RPS6KA5: variants seen among roughly 807,000 people sequenced by gnomAD.
RPS6KA5 encodes the protein ribosomal protein S6 kinase alpha-5.
A neutral mutation model predicts 85.5 loss-of-function variants in RPS6KA5; 27 were observed. The ratio of observed to expected loss-of-function variants is 0.32; its 90% CI spans 0.23 to 0.44. The LOEUF is 0.44. Among genes scored for constraint, RPS6KA5 ranks in the 20% least tolerant of loss-of-function variants. The pLI, the probability that RPS6KA5 is intolerant of heterozygous loss-of-function variation, is 1.00. For missense variants in RPS6KA5, 811 were observed against 980.9 expected (o/e 0.83, Z 2.31); for synonymous variants, 334 against 348.2 (o/e 0.96, Z 0.46).
chr14:91,015,539 G>C (rs2041452526), intron 1 of RPS6KA5, among the ~76,000 whole-genome samples: 1 of 152,154 alleles, frequency 6.6e-6, no homozygotes, highest in Admixed American at 6.6e-5. Flanking sequence ...TTTGATGTAA[G>C]AAAATATAGC....
chr14:90,946,964 G>A (rs776748078), intron 4 of RPS6KA5, among the ~76,000 whole-genome samples: 9 of 152,254 alleles, frequency 5.9e-5, no homozygotes, highest in South Asian at 2.1e-4. Flanking sequence ...AGCAAGAGAC[G>A]GTGTCAGGGA....
At chr14:91,029,537 G>C (rs1158165477) in intron 1 of RPS6KA5, among the ~76,000 whole-genome samples, 1 of 152,164 alleles carries the variant, frequency 6.6e-6, no homozygotes, top group Non-Finnish European at 1.5e-5. Flanking sequence ...TAGTGGCTTA[G>C]AGTCTCATTG....
intron 3 of RPS6KA5, among the ~76,000 whole-genome samples, chr14:90,958,751 G>A (rs989979057): frequency 6.6e-6 from 1 of 152,008 alleles, no homozygotes; most frequent in African/African-American, 2.4e-5. Flanking sequence ...AGTGAAGCTT[G>A]CATTCCAGTG....
rs2031853997 is a variant in RPS6KA5, at chr14:90,849,039, G to A, written c.*23035C>T. The stretch of plus-strand genomic sequence containing the variant: ...CAGAGCAAGGCCGCATCTCTAAAAA[G>A]TAATAATAAATAAAAGGAAAAAGAT... On this transcript the variant is annotated 3_prime_UTR_variant, in exon 17 of 17. Coordinates refer to ENST00000614987, the MANE Select transcript of RPS6KA5 (RefSeq NM_004755.4). 1 of 152,066 alleles carries A rather than the reference G, an allele frequency of 6.6e-6. No individual in the cohort carries two copies. Among genetic ancestry groups the A allele is most frequent in the Non-Finnish European group, 1.5e-5 (1 of 68,014 alleles). 9.4% of individuals were successfully genotyped at this position (152,066 alleles called of 1,614,324 possible).
chr14:91,040,061 T>C (rs971455594), intron 1 of RPS6KA5, among the ~76,000 whole-genome samples: 1 of 152,136 alleles, frequency 6.6e-6, no homozygotes, highest in Non-Finnish European at 1.5e-5. Context: ...GAGGAAGAAG[T>C]CTGGATGTTT....
At chr14:90,884,202 C>A (rs1403828627) in intron 14 of RPS6KA5, among the ~76,000 whole-genome samples, 1 of 152,214 alleles carries the variant, frequency 6.6e-6, no homozygotes. Flanking sequence ...CTGGCTCCCA[C>A]AAACTGTGTG....
At chr14:90,949,567 C>T (rs920832730) in intron 3 of RPS6KA5, among the ~76,000 whole-genome samples, 3 of 152,092 alleles carry the variant, frequency 2.0e-5, no homozygotes, top group Non-Finnish European at 4.4e-5. Flanking sequence ...GGTCTCTGAA[C>T]AAAACCACTC....
intron 1 of RPS6KA5, among the ~76,000 whole-genome samples, chr14:91,018,469 GGGTGGGCACCAC>G (rs1484349497): frequency 6.6e-6 from 1 of 152,194 alleles, no homozygotes; most frequent in African/African-American, 2.4e-5. Context: ...CCCTCAATGT[GGGTGGGCACCAC>G]CATCCAATCG....
chr14:90,927,006 G>A (rs1023498514), intron 5 of RPS6KA5, among the ~76,000 whole-genome samples: 1 of 152,010 alleles, frequency 6.6e-6, no homozygotes, highest in African/African-American at 2.4e-5. Context: ...TAGCAGGTAG[G>A]ACTAAAATAC....
chr14:90,944,709 C>T (rs915671374), intron 4 of RPS6KA5, among the ~76,000 whole-genome samples: 2 of 151,286 alleles, frequency 1.3e-5, no homozygotes, highest in East Asian at 1.9e-4. Context: ...GAGCTGAGAT[C>T]GTGCCACTGC....
At chr14:91,034,263 C>T (rs916327937) in intron 1 of RPS6KA5, among the ~76,000 whole-genome samples, 3 of 151,346 alleles carry the variant, frequency 2.0e-5, no homozygotes, top group African/African-American at 7.3e-5. Context: ...CAGGATCACA[C>T]CATTGCACTC....
rs111698947 is a variant in RPS6KA5, at chr14:90,876,471, A to AT, written c.1837-1112dup. On this transcript the variant is annotated intron_variant, in intron 14 of 16. Coordinates refer to ENST00000614987, the MANE Select transcript of RPS6KA5 (RefSeq NM_004755.4). ...CATATGTTTGAAATCTATGTTTAAG[A>AT]TTTTCCCCTTTATAAAGTTAACAGA... 6.7e-3 allele frequency among the ~76,000 whole-genome samples: 1,023 copies of AT among 152,270 alleles called. 16 individuals carry two copies. The highest frequency in any genetic ancestry group is 0.023 in the African/African-American group (967 of 41,542).
chr14:90,964,320 A>G (rs1366559460), intron 3 of RPS6KA5, among the ~76,000 whole-genome samples: 1 of 152,168 alleles, frequency 6.6e-6, no homozygotes, highest in Non-Finnish European at 1.5e-5. Context: ...CAAAGATGAT[A>G]ATCTATTTCT....
intron 5 of RPS6KA5, among the ~76,000 whole-genome samples, chr14:90,930,985 C>G (rs1279587765): frequency 1.3e-5 from 2 of 152,064 alleles, no homozygotes; most frequent in African/African-American, 4.8e-5. Flanking sequence ...TATAAATGTT[C>G]CTCAAAAAAT....
intron 16 of RPS6KA5, among the ~76,000 whole-genome samples, chr14:90,872,540 C>G (rs952550914): frequency 2.0e-5 from 3 of 152,118 alleles, no homozygotes; most frequent in Admixed American, 2.0e-4. Flanking sequence ...ATCAAACTAG[C>G]TAGGCGGTCT....
intron 2 of RPS6KA5, among the ~76,000 whole-genome samples, chr14:90,981,284 T>A (rs896014295): frequency 6.6e-6 from 1 of 152,246 alleles, no homozygotes. Flanking sequence ...TAAGATAATC[T>A]TTTAAATATT....
At chr14:90,913,610 T>C (rs1028172742) in intron 7 of RPS6KA5, among the ~76,000 whole-genome samples, 2 of 152,216 alleles carry the variant, frequency 1.3e-5, no homozygotes, top group Non-Finnish European at 2.9e-5. Context: ...GATTTAAAAG[T>C]TACTTAGTAT....
chr14:90,909,066 G>T (rs1365002809), intron 7 of RPS6KA5, among the ~76,000 whole-genome samples: 1 of 152,168 alleles, frequency 6.6e-6, no homozygotes, highest in Non-Finnish European at 1.5e-5. Flanking sequence ...AATAAAACTG[G>T]TGCCAGATTC....
chr14:91,020,148 A>T (rs1198820607), intron 1 of RPS6KA5, among the ~76,000 whole-genome samples: 1 of 152,006 alleles, frequency 6.6e-6, no homozygotes, highest in Admixed American at 6.6e-5. Context: ...TCCATCACTG[A>T]CTGAAATGTC....
Sources: gnomAD v4.1 joint callset for allele counts (sites outside exome capture counted in the v4.1 genomes callset) on GRCh38, gnomAD v4.1.1 for gene constraint, MANE v1.5 for transcripts, NCBI Gene and HGNC (gene_info 2026-07-23, HGNC 2026-07-21) for gene names.